The following CSGALNACT1 variants were observed in gnomAD, a reference collection of about 807,000 sequenced individuals.
CSGALNACT1 encodes the protein chondroitin sulfate N-acetylgalactosaminyltransferase 1.
In CSGALNACT1, 52 loss-of-function variants were observed where a neutral mutation model predicts 51.0. The ratio of observed to expected loss-of-function variants is 1.02; its 90% confidence interval spans 0.82 to 1.29. The LOEUF (loss-of-function observed/expected upper bound fraction) is 1.29. Ranked by LOEUF, CSGALNACT1 falls within the 50% of genes most tolerant of loss-of-function variation. The probability of loss-of-function intolerance (pLI) is 0.00; values close to 1 mark genes in which losing one functional copy is unlikely to be tolerated. For synonymous variants in CSGALNACT1, 341 were observed against 254.4 expected (o/e 1.34, Z -3.24); for missense variants, 935 against 679.2 (o/e 1.38, Z -4.19).
chr8:19,485,858 C>CTGAGG (rs1186490935), intron 4 of CSGALNACT1, among the ~76,000 whole-genome samples: 1 of 148,138 alleles, frequency 6.8e-6, no homozygotes, highest in African/African-American at 2.5e-5. Flanking sequence ...CCTCTGCCTA[C>CTGAGG]CAGGTTCAAG....
chr8:19,543,039 A>C (rs1162412941), intron 3 of CSGALNACT1, among the ~76,000 whole-genome samples: 1 of 152,184 alleles, frequency 6.6e-6, no homozygotes, highest in Non-Finnish European at 1.5e-5. Flanking sequence ...CTAAGTCATA[A>C]CTTTGGAAGC....
chr8:19,608,927 C>A (rs2051787295), intron 1 of CSGALNACT1, among the ~76,000 whole-genome samples: 1 of 152,114 alleles, frequency 6.6e-6, no homozygotes, highest in Non-Finnish European at 1.5e-5. Context: ...ACAGTCACTG[C>A]AAAAATGGAC....
chr8:19,507,672 G>T (rs1002682557), intron 3 of CSGALNACT1, among the ~76,000 whole-genome samples: 2 of 152,056 alleles, frequency 1.3e-5, no homozygotes, highest in African/African-American at 4.8e-5. Flanking sequence ...CTCATCGCCA[G>T]GCTGGAATGC....
At chr8:19,678,092 A>G (rs1487457710) in intron 1 of CSGALNACT1, among the ~76,000 whole-genome samples, 1 of 151,876 alleles carries the variant, frequency 6.6e-6, no homozygotes, top group Non-Finnish European at 1.5e-5. Context: ...GGCCACCCTG[A>G]GACTCTTATC....
chr8:19,420,283 C>T (rs1434101651), intron 7 of CSGALNACT1, 57 bp downstream of exon 6: 3 of 1,533,426 alleles, frequency 2.0e-6, no homozygotes, highest in East Asian at 2.2e-5. Flanking sequence ...AAGAGGACGA[C>T]ACATGGGCCC....
intron 1 of CSGALNACT1, among the ~76,000 whole-genome samples, chr8:19,610,029 C>T (rs933514677): frequency 6.6e-6 from 1 of 151,930 alleles, no homozygotes; most frequent in African/African-American, 2.4e-5. Flanking sequence ...GACGATCAGC[C>T]TGGCTAAGAT....
intron 3 of CSGALNACT1, among the ~76,000 whole-genome samples, chr8:19,530,138 A>G (rs971859900): frequency 5.3e-5 from 8 of 152,148 alleles, no homozygotes; most frequent in Admixed American, 1.3e-4. Context: ...TGAAAATTGC[A>G]TGAACCCAGG....
At chr8:19,558,236 C>T (rs2039911471) in intron 3 of CSGALNACT1, among the ~76,000 whole-genome samples, 1 of 152,214 alleles carries the variant, frequency 6.6e-6, no homozygotes, top group Admixed American at 6.5e-5. Flanking sequence ...TACCTTTTGG[C>T]ACACTTTTAC....
At chr8:19,505,206 A>G (rs772490045) in exon 4 of CSGALNACT1, 11 of 1,614,096 alleles carry the variant, frequency 6.8e-6, no homozygotes, top group South Asian at 3.3e-5. Context: ...CTAACCTTCT[A>G]TGAAATCAGA....
chr8:19,426,742 C>G (rs1340256991), intron 6 of CSGALNACT1, among the ~76,000 whole-genome samples: 1 of 152,124 alleles, frequency 6.6e-6, no homozygotes, highest in African/African-American at 2.4e-5. Context: ...TTATAATGAC[C>G]TGACAAAGCT....
At chr8:19,559,387 C>T (rs2040198079) in intron 3 of CSGALNACT1, among the ~76,000 whole-genome samples, 1 of 152,146 alleles carries the variant, frequency 6.6e-6, no homozygotes, top group African/African-American at 2.4e-5. Context: ...TACTTAAATG[C>T]TGACAATTTC....
rs148596970 is a variant in CSGALNACT1 at position 19,563,197 on chromosome 8, T to A, written c.-297+27963A>T. Among the ~76,000 whole-genome samples, 210 of 152,266 alleles carry A rather than the reference T, an allele frequency of 1.4e-3. 3 individuals carry two copies. In the East Asian group the frequency reaches 0.035, roughly 26 times the overall value. On this transcript the variant is annotated intron_variant, in intron 3 of 9. Transcript: ENST00000454498. Reference sequence around the variant, plus strand: ...CAGGAACAGAAAGGCAAACACTGCATATTCTCACTACTAAGTGGGAGTTGA... The same window carrying A: ...CAGGAACAGAAAGGCAAACACTGCAAATTCTCACTACTAAGTGGGAGTTGA...
chr8:19,462,007 G>T (rs2065658186), intron 4 of CSGALNACT1, among the ~76,000 whole-genome samples: 2 of 152,194 alleles, frequency 1.3e-5, no homozygotes, highest in Admixed American at 1.3e-4. Flanking sequence ...TTGCCATGGA[G>T]GGCCTATCCA....
chr8:19,567,449 T>A (rs1006235907), intron 3 of CSGALNACT1, among the ~76,000 whole-genome samples: 2 of 152,202 alleles, frequency 1.3e-5, no homozygotes, highest in Non-Finnish European at 2.9e-5. Context: ...ATGATAAAAC[T>A]CATCATCCAC....
intron 3 of CSGALNACT1, among the ~76,000 whole-genome samples, chr8:19,570,664 G>A (rs1287528002): frequency 1.3e-5 from 2 of 152,160 alleles, no homozygotes; most frequent in Non-Finnish European, 2.9e-5. Flanking sequence ...CACTTTGGGA[G>A]GCCGAAGTGG....
At chr8:19,515,810 C>G (rs1264897412) in intron 3 of CSGALNACT1, among the ~76,000 whole-genome samples, 1 of 152,094 alleles carries the variant, frequency 6.6e-6, no homozygotes, top group Non-Finnish European at 1.5e-5. Context: ...ACCGTCTAGT[C>G]CCATTCCTTA....
chr8:19,658,851 GA>G (rs1422768989), intron 1 of CSGALNACT1, among the ~76,000 whole-genome samples: 1 of 152,192 alleles, frequency 6.6e-6, no homozygotes. Flanking sequence ...AATTGAGGCT[GA>G]AAAGTGATAC....
At chr8:19,449,389 G>C (rs972556717) in intron 5 of CSGALNACT1, among the ~76,000 whole-genome samples, 5 of 152,152 alleles carry the variant, frequency 3.3e-5, no homozygotes, top group African/African-American at 9.7e-5. Context: ...AGGAGAACTA[G>C]ACTATGCAAA....
chr8:19,732,398 T>A (rs2063741588), intron 1 of CSGALNACT1: 1 of 152,222 alleles, frequency 6.6e-6, no homozygotes, highest in South Asian at 2.1e-4. Context: ...TGCACCAGGA[T>A]CAGTCGCTGT....
Sources: allele counts gnomAD v4.1 joint callset (sites outside exome capture counted in the v4.1 genomes callset), GRCh38; gene constraint gnomAD v4.1.1; transcripts MANE v1.5; gene names NCBI Gene and HGNC (gene_info 2026-07-23, HGNC 2026-07-21).